Variants in PTPRN observed in about 807,000 individuals in gnomAD.
PTPRN encodes the protein receptor-type tyrosine-protein phosphatase-like N.
PTPRN carries 70 observed loss-of-function variants against 108.5 expected under a neutral mutation model. That is an observed-to-expected ratio of 0.65 (90% CI 0.53 to 0.79). The LOEUF is 0.79. Among genes scored for constraint, PTPRN ranks in the 30% least tolerant of loss-of-function variants. PTPRN has a pLI of 0.00. For missense variants in PTPRN, 1,136 were observed against 1,295.5 expected, an observed-to-expected ratio of 0.88 and a Z score of 1.89; for synonymous variants, 496 against 524.6, an observed-to-expected ratio of 0.95 and a Z score of 0.75.
In PTPRN at chr2:219,295,965, C is replaced by T. The variant is rs558516146; in HGVS notation, c.2508+261G>A. The T allele has an allele frequency of 2.5e-4, 104 of 423,764 alleles. No individual in the cohort carries two copies. The African/African-American group carries it at 2.5e-3, about 10-fold the overall frequency. 26.3% of individuals were successfully genotyped at this position (423,764 alleles called of 1,614,324 possible). A position where few individuals can be genotyped will look rare whatever the true frequency, so the allele number is the denominator to read the frequency against. The stretch of plus-strand genomic sequence containing the variant: ...ATAAGTCTCTATGAACGCTTTTTGA[C>T]TCTAGACAGGACACACACACACACA... On this transcript the variant is annotated intron_variant, in intron 18 of 22. Coordinates refer to ENST00000295718, the MANE Select transcript of PTPRN (RefSeq NM_002846.4).
In PTPRN at chr2:219,301,745, AG is replaced by A. The variant is rs1952353178; in HGVS notation, c.995-27del. The stretch of plus-strand genomic sequence containing the variant: ...CTGCTGGGAGCCAGACACAGAGCTT[AG>A]GGCTGATTGCGCAGTGAACTTGAGG... On this transcript the variant is annotated intron_variant, in intron 6 of 22. Transcript: ENST00000295718. 3 of 1,592,364 alleles carry A rather than the reference AG, an allele frequency of 1.9e-6. No individual in the cohort carries two copies. In the East Asian group the frequency reaches 6.8e-5, roughly 36 times the overall value.
chr2:219,309,187 CACCA>C, intron 1 of PTPRN, 27 bp downstream of exon 1: 1 of 1,374,328 alleles, frequency 7.3e-7, no homozygotes, highest in Non-Finnish European at 1.0e-6. Context: ...CCCCGCCCCC[CACCA>C]CCCGCCAGCC....
chr2:219,309,106 C>A, intron 1 of PTPRN, 112 bp downstream of exon 1: 1 of 1,496,868 alleles, frequency 6.7e-7, no homozygotes. Flanking sequence ...TCCCCCAACC[C>A]ATATTCTCCC....
In PTPRN at chr2:219,298,028, C is replaced by A; in HGVS notation, c.1744G>T (p.Val582Leu). The change falls in exon 13 of 23, where the codon GTG (valine) becomes TTG (leucine). Residue 582 changes from valine (V) to leucine (L), a missense_variant. Transcript: ENST00000295718. The stretch of plus-strand genomic sequence containing the variant: ...AGCCCAGCCACACCTGCCAGGGCCA[C>A]CAGAGTGAGCAGCACTGAGCGCATG... ...SPMRSVLLTL[V>L]ALAGVAGLLV... 6.2e-7 allele frequency: 1 copy of A among 1,614,074 alleles called. No homozygotes were observed. The highest frequency in any genetic ancestry group is 8.5e-7 in the Non-Finnish European group (1 of 1,179,990).
chr2:219,294,990 A>G lies in PTPRN; in HGVS notation c.2660T>C (p.Leu887Pro), dbSNP rs1281013599. 1 of 1,597,570 alleles carries G rather than the reference A, an allele frequency of 6.3e-7. No homozygotes were observed. The highest frequency in any genetic ancestry group is 1.4e-5 in the African/African-American group (1 of 73,794). Residue 887 changes from leucine to proline, a missense_variant, in exon 19 of 23, where the codon CTG becomes CCG. By Grantham distance (98) the Leu-to-Pro change is moderately conservative. Transcript: ENST00000295718. ...CCGCGCTCACCTGCGGAAGTCCAGC[A>G]GGGGCCGCGTGGAGGCCGGTGTGCC... Reference protein sequence around the residue: ...AEGTPASTRPLLDFRRKVNKC... With the variant: ...AEGTPASTRPPLDFRRKVNKC...
Position 219,290,609 on chromosome 2 carries a change from C to T in PTPRN, c.2797G>A (p.Val933Met). The change falls in exon 22 of 23, where the codon GTG becomes ATG. Residue 933 changes from valine to methionine, a missense_variant and splice_region_variant. Val to Met is a conservative substitution (Grantham distance 21). Coordinates refer to ENST00000295718, the MANE Select transcript of PTPRN (RefSeq NM_002846.4). The surrounding 1 kb of genome is among the most constrained non-coding windows in gnomAD (Gnocchi z 4.2). ...DMVLNRMAKGVKEIDIAATLE... is the reference protein window; with the variant it reads ...DMVLNRMAKGMKEIDIAATLE... ...GTGGCAGCGATGTCAATCTCCTTCA[C>T]TCCTGGAGATGGAGGTGGGGATGGG... 2 of 1,551,644 alleles carry T rather than the reference C, an allele frequency of 1.3e-6. No individual in the cohort carries two copies. Among genetic ancestry groups the T allele is most frequent in the South Asian group, 1.2e-5 (1 of 84,092 alleles).
chr2:219,297,388 C>T lies in PTPRN; in HGVS notation c.1933G>A (p.Ala645Thr), dbSNP rs774512131. ...HMATKSLFNR[A>T]EGPPEPSRVS... Reference sequence around the variant, plus strand: ...CGTGAAGGCTCCGGTGGACCCTCTGCCCGGTTGAACAAGGACTTCGTGGCC... The same window carrying T: ...CGTGAAGGCTCCGGTGGACCCTCTGTCCGGTTGAACAAGGACTTCGTGGCC... Residue 645 changes from alanine (A) to threonine (T), a missense_variant, in exon 14 of 23, where the codon GCA becomes ACA. Physicochemically the swap from Ala to Thr is moderately conservative, Grantham distance 58. Transcript: ENST00000295718. The surrounding 1 kb of genome is among the most constrained non-coding windows in gnomAD (Gnocchi z 6.0). 6 of 1,614,086 alleles carry T rather than the reference C, an allele frequency of 3.7e-6. No homozygotes were observed. The South Asian group carries it at 6.6e-5, about 18-fold the overall frequency.
At position 219,297,077 on chromosome 2, in the gene PTPRN, G is replaced by A. The variant is rs767366919; in HGVS notation, c.2144C>T (p.Ala715Val). ...NRDRLAKEWQALCAYQAEPNT... is the reference protein window; with the variant it reads ...NRDRLAKEWQVLCAYQAEPNT... The stretch of plus-strand genomic sequence containing the variant: ...TGGCTCTGCTTGGTAGGCACAGAGG[G>A]CCTGCCACTCCTTGGCAAGGCGGTC... The change falls in exon 15 of 23, where the codon GCC becomes GTC. Residue 715 changes from alanine (A) to valine (V), a missense_variant. Ala to Val is a moderately conservative substitution (Grantham distance 64). Transcript: ENST00000295718. This position sits in a 1 kb window ranked among gnomAD's most constrained non-coding sequence, Gnocchi z 6.0. 6.2e-7 allele frequency: 1 copy of A among 1,613,002 alleles called. No homozygotes were observed. Among genetic ancestry groups the A allele is most frequent in the African/African-American group, 1.3e-5 (1 of 75,056 alleles).
At chr2:219,301,825 C>T in intron 6 of PTPRN, 106 bp from the exon 7 acceptor site, 1 of 1,358,338 alleles carries the variant, frequency 7.4e-7, no homozygotes, top group Non-Finnish European at 9.9e-7. Context: ...AGAGAGTCTT[C>T]CCAGACACCA....
At position 219,307,826 on chromosome 2, in the gene PTPRN, G is replaced by A; in HGVS notation, c.132C>T (p.Arg44=). 5 of 1,614,210 alleles carry A rather than the reference G, an allele frequency of 3.1e-6. No homozygotes were observed. The highest frequency in any genetic ancestry group is 4.2e-6 in the Non-Finnish European group (5 of 1,180,026). ...AGACTTCCAGGTGAGAGCAGAGCCT[G>A]CGGTCAAATAGACAGCCTGTAGAGG... ...AVSAHGCLFD[R]RLCSHLEVCI... Residue 44 remains arginine, a synonymous_variant, in exon 2 of 23, where the codon CGC becomes CGT. Transcript: ENST00000295718.
intron 12 of PTPRN, 45 bp downstream of exon 12, chr2:219,299,002 A>C: frequency 6.2e-7 from 1 of 1,609,974 alleles, no homozygotes; most frequent in Non-Finnish European, 8.5e-7. Context: ...TGCGGACAAC[A>C]TCAGCCCTCT....
chr2:219,294,967 G>GC lies in PTPRN; in HGVS notation c.2675+7dup. ...GCGGTCCCTCCAGGCGGGGGCGCCC[G>GC]CGCTCACCTGCGGAAGTCCAGCAGG... is the stretch of plus-strand genomic sequence containing the variant. On this transcript the variant is annotated splice_region_variant and intron_variant, in intron 19 of 22. Transcript: ENST00000295718. 3 of 1,554,006 alleles carry GC rather than the reference G, an allele frequency of 1.9e-6. No homozygotes were observed. Among genetic ancestry groups the GC allele is most frequent in the Middle Eastern group, 2.0e-4 (1 of 4,908 alleles).
chr2:219,296,919 C>T lies in PTPRN; in HGVS notation c.2236+66G>A. 6.2e-7 allele frequency: 1 copy of T among 1,612,148 alleles called. No individual in the cohort carries two copies. Among genetic ancestry groups the T allele is most frequent in the Non-Finnish European group, 8.5e-7 (1 of 1,178,706 alleles). On this transcript the variant is annotated intron_variant, in intron 15 of 22. Coordinates refer to ENST00000295718, the MANE Select transcript of PTPRN (RefSeq NM_002846.4). The surrounding 1 kb of genome is among the most constrained non-coding windows in gnomAD (Gnocchi z 6.0). ...CTGAGCCAGAAGCCCAACCCCTTACCCCAAGCCCTCCAGACCTCGCAGCAG... is the reference window on the plus strand; with the variant it reads ...CTGAGCCAGAAGCCCAACCCCTTACTCCAAGCCCTCCAGACCTCGCAGCAG...
chr2:219,308,600 T>C (rs938930057), intron 1 of PTPRN, among the ~76,000 whole-genome samples: 3 of 138,506 alleles, frequency 2.2e-5, no homozygotes, highest in Non-Finnish European at 4.6e-5. Flanking sequence ...TGACTGTCTC[T>C]GTCCGCACAG....
rs776089413 is a variant in PTPRN, at chr2:219,309,289, C to A, written c.44G>T (p.Gly15Val). 15 of 1,525,468 alleles carry A rather than the reference C, an allele frequency of 9.8e-6. No individual in the cohort carries two copies. The Admixed American group carries it at 2.2e-4, about 22-fold the overall frequency. The allele number at this position is 1,525,468 out of a possible 1,614,324, so 94.5% of individuals were successfully genotyped here. A position where few individuals can be genotyped will look rare whatever the true frequency, so the allele number is the denominator to read the frequency against. ...RRPGGLGGSGGLRLLLCLLLL... is the reference protein window; with the variant it reads ...RRPGGLGGSGVLRLLLCLLLL... ...CAGGAGGCAGAGGAGCAGCCGGAGACCCCCGGATCCCCCGAGACCCCCAGG... is the reference window on the plus strand; with the variant it reads ...CAGGAGGCAGAGGAGCAGCCGGAGAACCCCGGATCCCCCGAGACCCCCAGG... Residue 15 changes from glycine (G) to valine (V), a missense_variant, in exon 1 of 23, where the codon GGT becomes GTT. Transcript: ENST00000295718.
rs1952248223 is a variant in PTPRN at position 219,298,116 on chromosome 2, G to A, written c.1669-13C>T. The A allele has an allele frequency of 8.1e-6, 13 of 1,608,380 alleles. No homozygotes were observed. The highest frequency in any genetic ancestry group is 6.8e-6 in the Non-Finnish European group (8 of 1,178,490). On this transcript the variant is annotated splice_polypyrimidine_tract_variant and intron_variant, in intron 12 of 22. Transcript: ENST00000295718. ...CTGCCTCCTCCCTCTGTGGGAACAA[G>A]GCTAGAATCAAGGGAGGCAGTGGCA... is the stretch of plus-strand genomic sequence containing the variant.
In PTPRN at chr2:219,290,753, C is replaced by T; in HGVS notation, c.2794+73G>A. ...GTTGACAACCTGCTCCTTCTGAGCT[C>T]CCAGGACCCTGTGTGCTGGGGAGCC... On this transcript the variant is annotated intron_variant, in intron 21 of 22. Transcript: ENST00000295718. This position sits in a 1 kb window ranked among gnomAD's most constrained non-coding sequence, Gnocchi z 4.2. 1.3e-6 allele frequency: 2 copies of T among 1,549,524 alleles called. No individual in the cohort carries two copies. The highest frequency in any genetic ancestry group is 1.4e-5 in the African/African-American group (1 of 73,476).
chr2:219,307,449 G>A lies in PTPRN; in HGVS notation c.275C>T (p.Ser92Phe), dbSNP rs1952511235. The stretch of plus-strand genomic sequence containing the variant: ...CCAGTGCACCCAGACCTTACCTTGG[G>A]ACATGAGTTGTCGGAGCACACCTTG... Reference protein sequence around the residue: ...RLQGVLRQLMSQGLSWHDDLT... With the variant: ...RLQGVLRQLMFQGLSWHDDLT... Residue 92 changes from serine (S) to phenylalanine (F), a missense_variant, in exon 3 of 23, where the codon TCC becomes TTC. By Grantham distance (155) the Ser-to-Phe change is radical (BLOSUM62 -2). Coordinates refer to ENST00000295718, the MANE Select transcript of PTPRN (RefSeq NM_002846.4). 1.2e-6 allele frequency: 2 copies of A among 1,613,722 alleles called. No homozygotes were observed. Among genetic ancestry groups the A allele is most frequent in the African/African-American group, 1.3e-5 (1 of 74,930 alleles).
At chr2:219,306,086 G>A (rs1255628346) in intron 3 of PTPRN, among the ~76,000 whole-genome samples, 1 of 152,124 alleles carries the variant, frequency 6.6e-6, no homozygotes, top group African/African-American at 2.4e-5. Context: ...GGAGGTGGAG[G>A]TTCCAGTGAG....
Sources: allele counts gnomAD v4.1 joint callset (sites outside exome capture counted in the v4.1 genomes callset), GRCh38; gene constraint gnomAD v4.1.1; non-coding constraint Gnocchi (gnomAD v3.1); transcripts MANE v1.5; gene names NCBI Gene and HGNC (gene_info 2026-07-23, HGNC 2026-07-21).